Variants in TENM3 observed in about 807,000 individuals in gnomAD.
TENM3 encodes teneurin transmembrane protein 3.
TENM3 carries 63 observed loss-of-function variants against 255.1 expected under a neutral mutation model. The observed-to-expected ratio is 0.25, with a 90% CI of 0.20 to 0.30. TENM3 has a LOEUF of 0.30. TENM3 is among the 10% of genes least tolerant of loss of function. TENM3 has a pLI of 1.00. For synonymous variants in TENM3, 1,306 were observed against 1,322.3 expected (o/e 0.99, Z 0.27); for missense variants, 2,929 against 3,461.1 (o/e 0.85, Z 3.86).
At chr4:182,339,994 A>C (rs1264792354) in intron 2 of TENM3, among the ~76,000 whole-genome samples, 1 of 152,076 alleles carries the variant, frequency 6.6e-6, no homozygotes, top group East Asian at 1.9e-4. Flanking sequence ...TAAATCCTTC[A>C]TTTCCAGACC....
chr4:182,456,356 A>C (rs1773877512), intron 3 of TENM3, among the ~76,000 whole-genome samples: 1 of 152,304 alleles, frequency 6.6e-6, no homozygotes, highest in South Asian at 2.1e-4. Context: ...ACTCAGAGCT[A>C]ATTTCATTAA....
At chr4:182,168,257 C>T (rs1004406461) in intron 1 of TENM3, among the ~76,000 whole-genome samples, 2 of 152,030 alleles carry the variant, frequency 1.3e-5, no homozygotes, top group African/African-American at 4.8e-5. Flanking sequence ...ACCTCAGCCT[C>T]CCGAGTAGCT....
chr4:182,525,574 G>A (rs1260670249), intron 3 of TENM3, among the ~76,000 whole-genome samples: 2 of 152,216 alleles, frequency 1.3e-5, no homozygotes, highest in African/African-American at 2.4e-5. Flanking sequence ...TGTGACTTAC[G>A]AATGTAATGC....
chr4:182,498,657 C>T (rs1224226776), intron 3 of TENM3, among the ~76,000 whole-genome samples: 4 of 151,936 alleles, frequency 2.6e-5, no homozygotes, highest in Non-Finnish European at 5.9e-5. Context: ...AGTTTGAGAC[C>T]AGCCTGGCAA....
intron 2 of TENM3, among the ~76,000 whole-genome samples, chr4:182,327,368 C>A (rs1763480001): frequency 6.6e-6 from 1 of 152,156 alleles, no homozygotes; most frequent in Non-Finnish European, 1.5e-5. Flanking sequence ...CCATTTACTC[C>A]TTGAATGACA....
At chr4:182,082,446 T>C in the TENM3 span, among the ~76,000 whole-genome samples, 1 of 152,220 alleles carries the variant, frequency 6.6e-6, no homozygotes, top group Admixed American at 6.5e-5. Context: ...ATAATGTACA[T>C]TCATGTACTC....
chr4:181,706,808 C>T, the TENM3 span, among the ~76,000 whole-genome samples: 1 of 152,190 alleles, frequency 6.6e-6, no homozygotes, highest in African/African-American at 2.4e-5. Flanking sequence ...TTAGCCCAGG[C>T]TTCTGGCTGG....
At chr4:181,927,638 A>G in the TENM3 span, among the ~76,000 whole-genome samples, 2 of 152,190 alleles carry the variant, frequency 1.3e-5, no homozygotes, top group Admixed American at 1.3e-4. Flanking sequence ...CTCCGAAGAG[A>G]GCAGCAGCTC....
chr4:182,714,818 G>A (rs1180436538), intron 13 of TENM3, among the ~76,000 whole-genome samples: 1 of 152,142 alleles, frequency 6.6e-6, no homozygotes. Flanking sequence ...TTAATTTCAG[G>A]GAATAGAGTG....
intron 3 of TENM3, among the ~76,000 whole-genome samples, chr4:182,506,634 TG>T (rs1736844812): frequency 6.6e-6 from 1 of 152,242 alleles, no homozygotes; most frequent in Non-Finnish European, 1.5e-5. Context: ...AAATTCTGGT[TG>T]GGATGTAACA....
At position 182,230,813 on chromosome 4, in the gene TENM3, T is replaced by C. The variant is rs1316418432; in HGVS notation, c.-76+86059T>C. Among the ~76,000 whole-genome samples the C allele has an allele frequency of 1.2e-3, 6 of 5,204 alleles. No individual in the cohort carries two copies. The South Asian group carries it at 0.034, about 29-fold the overall frequency. 3.4% of individuals were successfully genotyped at this position (5,204 alleles called of 152,430 possible). A position where few individuals can be genotyped will look rare whatever the true frequency, so the allele number is the denominator to read the frequency against. ...CTATATTAAATACAGTTTCTCAAACTATATATATATATATATATATATATA... is the reference window on the plus strand; with the variant it reads ...CTATATTAAATACAGTTTCTCAAACCATATATATATATATATATATATATA... On this transcript the variant is annotated intron_variant, in intron 1 of 2. Coordinates refer to the TENM3 transcript ENST00000512480.
At chr4:181,638,472 A>G in the TENM3 span, among the ~76,000 whole-genome samples, 5 of 152,190 alleles carry the variant, frequency 3.3e-5, no homozygotes, top group South Asian at 2.1e-4. Context: ...CAACTTTTCC[A>G]TGTTCCTGCT....
chr4:181,493,528 G>T, the TENM3 span, among the ~76,000 whole-genome samples: 2 of 151,990 alleles, frequency 1.3e-5, no homozygotes, highest in African/African-American at 2.4e-5. Context: ...GTCAGTTCGA[G>T]ACCAGCCTGA....
intron 13 of TENM3, among the ~76,000 whole-genome samples, chr4:182,724,916 C>T (rs776323675): frequency 6.6e-5 from 10 of 152,124 alleles, no homozygotes; most frequent in South Asian, 2.1e-4. Context: ...TGTACCCATT[C>T]GAAATCCATC....
intron 3 of TENM3, among the ~76,000 whole-genome samples, chr4:182,525,172 C>T (rs1194631731): frequency 2.6e-5 from 4 of 152,208 alleles, no homozygotes; most frequent in Non-Finnish European, 4.4e-5. Flanking sequence ...GATTCCCTGC[C>T]TCTGCCTTGA....
chr4:181,489,407 T>C, the TENM3 span, among the ~76,000 whole-genome samples: 1 of 152,212 alleles, frequency 6.6e-6, no homozygotes, highest in Non-Finnish European at 1.5e-5. Context: ...TGCATGGGTG[T>C]GCAATAGTTA....
chr4:181,959,712 A>T, the TENM3 span, among the ~76,000 whole-genome samples: 1 of 152,274 alleles, frequency 6.6e-6, no homozygotes, highest in Non-Finnish European at 1.5e-5. Context: ...CATATTACAG[A>T]TTTTATATTG....
chr4:181,457,855 C>T, the TENM3 span, among the ~76,000 whole-genome samples: 1,093 of 151,882 alleles, frequency 7.2e-3, 11 homozygotes, highest in African/African-American at 0.024. Flanking sequence ...ATAAAGAATA[C>T]CAGATTCTAG....
the TENM3 span, among the ~76,000 whole-genome samples, chr4:181,662,629 G>A: frequency 6.6e-6 from 1 of 152,072 alleles, no homozygotes; most frequent in African/African-American, 2.4e-5. Context: ...GCCTTCTACT[G>A]AATAATTTTA....
Sources: gnomAD v4.1 joint callset for allele counts (sites outside exome capture counted in the v4.1 genomes callset) on GRCh38, gnomAD v4.1.1 for gene constraint, MANE v1.5 for transcripts, NCBI Gene and HGNC (gene_info 2026-07-23, HGNC 2026-07-21) for gene names.